Variants in DHCR24 observed in about 807,000 individuals in gnomAD.
DHCR24 encodes the protein delta(24)-sterol reductase.
DHCR24 carries 28 observed loss-of-function variants against 61.2 expected under a neutral mutation model. The observed-to-expected ratio is 0.46, with a 90% CI of 0.34 to 0.63. The LOEUF (loss-of-function observed/expected upper bound fraction) is 0.63. Among genes scored for constraint, DHCR24 ranks in the 20% least tolerant of loss-of-function variants. The pLI, the probability that DHCR24 is intolerant of heterozygous loss-of-function variation, is 0.01. For synonymous variants in DHCR24, 261 were observed against 275.9 expected (o/e 0.95, Z 0.54); for missense variants, 538 against 679.1 (o/e 0.79, Z 2.31).
intron 2 of DHCR24, 130 bp from the exon 3 acceptor site, chr1:54,876,177 C>T (rs1368361667): frequency 1.1e-5 from 8 of 730,172 alleles, no homozygotes; most frequent in African/African-American, 7.0e-5. Context: ...ATAGCCTTTA[C>T]AGGCTCTTTC....
At chr1:54,866,486 C>T (rs1034477763) in intron 5 of DHCR24, among the ~76,000 whole-genome samples, 1 of 152,132 alleles carries the variant, frequency 6.6e-6, no homozygotes, top group Non-Finnish European at 1.5e-5. Context: ...AAAATGGGAC[C>T]ATCTTACACG....
rs1319885940 is a variant in DHCR24 at position 54,852,331 on chromosome 1, A to C, written c.1453T>G (p.Phe485Val). 1 of 1,614,224 alleles carries C rather than the reference A, an allele frequency of 6.2e-7. No individual in the cohort carries two copies. Among genetic ancestry groups the C allele is most frequent in the Non-Finnish European group, 8.5e-7 (1 of 1,180,054 alleles). ...YMNREEFWEMFDGSLYHKLRE... is the reference protein window; with the variant it reads ...YMNREEFWEMVDGSLYHKLRE... ...AGCTTGTGGTACAAGGAGCCATCAA[A>C]CATCTCCCAGAACTCCTCCCGGTTC... The change falls in exon 9 of 9, where the codon TTT becomes GTT. Residue 485 changes from phenylalanine (F) to valine (V), a missense_variant. Physicochemically the swap from Phe to Val is conservative, Grantham distance 50. Coordinates refer to ENST00000371269, the MANE Select transcript of DHCR24 (RefSeq NM_014762.4).
chr1:54,866,388 G>A (rs1048426664), intron 5 of DHCR24, among the ~76,000 whole-genome samples: 12 of 148,068 alleles, frequency 8.1e-5, no homozygotes, highest in South Asian at 2.1e-4. Flanking sequence ...TCGCTCTGTC[G>A]CCCAGGCTGG....
intron 1 of DHCR24, among the ~76,000 whole-genome samples, chr1:54,884,170 AG>A (rs1320761197): frequency 6.6e-6 from 1 of 152,248 alleles, no homozygotes; most frequent in Non-Finnish European, 1.5e-5. Flanking sequence ...CAACAGTCCC[AG>A]GAAGTTACGA....
At position 54,883,839 on chromosome 1, in the gene DHCR24, C is replaced by T. The variant is rs559863561; in HGVS notation, c.232-66G>A. 5.3e-4 allele frequency: 843 copies of T among 1,605,500 alleles called. 7 individuals carry two copies. Among genetic ancestry groups the T allele is most frequent in the Middle Eastern group, 5.2e-3 (26 of 4,988 alleles). ...ATCCCCAGAGCAGCCTGCAGCCCTG[C>T]TTTCTTCAAGGGCGAGCTGGGAATG... is the stretch of plus-strand genomic sequence containing the variant. On this transcript the variant is annotated intron_variant, in intron 1 of 8. Coordinates refer to ENST00000371269, the MANE Select transcript of DHCR24 (RefSeq NM_014762.4). This position sits in a 1 kb window ranked among gnomAD's most constrained non-coding sequence, Gnocchi z 4.3.
rs184431399 is a variant in DHCR24, at chr1:54,874,034, A to G, written c.612+1059T>C. Among the ~76,000 whole-genome samples the G allele has an allele frequency of 1.7e-3, 263 of 152,374 alleles. No individual in the cohort carries two copies. In the South Asian group the frequency reaches 0.024, roughly 14 times the overall value. On this transcript the variant is annotated intron_variant, in intron 4 of 8. Coordinates refer to ENST00000371269, the MANE Select transcript of DHCR24 (RefSeq NM_014762.4). ...ACAAGCTTATAGAATAAGGATATAA[A>G]GAAGGAAACTATTTCTGTACACCTG...
In DHCR24 at chr1:54,852,218, C is replaced by T. The variant is rs771213432; in HGVS notation, c.*15G>A. ...GACCACTCACACGTGTCTGTCTCTC[C>T]AGGCGGGCTCCAGCTCAGTGCCTGG... is the stretch of plus-strand genomic sequence containing the variant. On this transcript the variant is annotated 3_prime_UTR_variant, in exon 9 of 9. Transcript: ENST00000371269. 8.1e-6 allele frequency: 13 copies of T among 1,614,036 alleles called. No individual in the cohort carries two copies. The highest frequency in any genetic ancestry group is 4.0e-5 in the African/African-American group (3 of 74,942).
rs1469983216 is a variant in DHCR24 at position 54,850,060 on chromosome 1, C to T, written c.*2173G>A. On this transcript the variant is annotated 3_prime_UTR_variant, in exon 9 of 9. Coordinates refer to ENST00000371269, the MANE Select transcript of DHCR24 (RefSeq NM_014762.4). Reference sequence around the variant, plus strand: ...AAAAAAAGCCATGAACTCAGCTCACCATGCTAAGAAGACTGCCTCTTTCCA... The same window carrying T: ...AAAAAAAGCCATGAACTCAGCTCACTATGCTAAGAAGACTGCCTCTTTCCA... The T allele has an allele frequency of 6.6e-6, 1 of 152,248 alleles. No individual in the cohort carries two copies. Among genetic ancestry groups the T allele is most frequent in the Non-Finnish European group, 1.5e-5 (1 of 68,038 alleles). The allele number at this position is 152,248 out of a possible 1,614,324, so 9.4% of individuals were successfully genotyped here. A position where few individuals can be genotyped will look rare whatever the true frequency, so the allele number is the denominator to read the frequency against.
intron 3 of DHCR24, among the ~76,000 whole-genome samples, chr1:54,875,450 GTGTACTCACACC>G (rs1413353106): frequency 3.3e-5 from 5 of 152,232 alleles, no homozygotes; most frequent in African/African-American, 9.6e-5. Context: ...ACCTTGTCAA[GTGTACTCACACC>G]TCACCTCTGG....
intron 6 of DHCR24, among the ~76,000 whole-genome samples, chr1:54,857,752 T>C (rs1646915273): frequency 1.3e-5 from 2 of 152,206 alleles, no homozygotes; most frequent in South Asian, 4.1e-4. Context: ...AAAAAAGCTT[T>C]ATATTTAGTA....
rs564860559 is a variant in DHCR24 at position 54,864,811 on chromosome 1, G to A, written c.1020+492C>T. Among the ~76,000 whole-genome samples the A allele has an allele frequency of 3.3e-4, 50 of 152,084 alleles. 1 individual carries two copies. The highest frequency in any genetic ancestry group is 1.6e-3 in the Admixed American group (25 of 15,272). On this transcript the variant is annotated intron_variant, in intron 6 of 8. Transcript: ENST00000371269. ...CCTGCTCACAAAGTCATCTCCTGAG[G>A]GGTTCTTCCTGACCTTCCCCCACTT...
chr1:54,852,131 G>A lies in DHCR24; in HGVS notation c.*102C>T, dbSNP rs114267476. 5.9e-3 allele frequency: 8,380 copies of A among 1,428,572 alleles called. 34 individuals carry two copies. The highest frequency in any genetic ancestry group is 0.013 in the Middle Eastern group (61 of 4,648). 88.5% of individuals were successfully genotyped at this position (1,428,572 alleles called of 1,614,324 possible). ...GCTGTCAGGGTGGGAGTTCTGGAGG[G>A]GTTTCTCTTTGAAAGTGTGGATCTA... On this transcript the variant is annotated 3_prime_UTR_variant, in exon 9 of 9. Coordinates refer to ENST00000371269, the MANE Select transcript of DHCR24 (RefSeq NM_014762.4).
At chr1:54,867,144 G>A (rs1289119942) in intron 5 of DHCR24, among the ~76,000 whole-genome samples, 1 of 152,176 alleles carries the variant, frequency 6.6e-6, no homozygotes, top group Admixed American at 6.5e-5. Flanking sequence ...GGCTGCATGA[G>A]CTCCAGTCCA....
intron 6 of DHCR24, among the ~76,000 whole-genome samples, chr1:54,861,432 T>C (rs770870803): frequency 2.6e-5 from 4 of 152,102 alleles, no homozygotes; most frequent in Non-Finnish European, 5.9e-5. Flanking sequence ...CCATTGCAAG[T>C]GTTTGCTCTC....
At chr1:54,879,352 A>AAAAAAAAAAAAAAAAAAAAG (rs573285056) in intron 2 of DHCR24, among the ~76,000 whole-genome samples, 4 of 128,162 alleles carry the variant, frequency 3.1e-5, no homozygotes, top group Admixed American at 8.4e-5. Context: ...AAAAAAAAAA[A>AAAAAAAAAAAAAAAAAAAAG]TCCAAATCAA....
chr1:54,868,136 A>C (rs1219039768), intron 5 of DHCR24, among the ~76,000 whole-genome samples: 2 of 152,208 alleles, frequency 1.3e-5, no homozygotes, highest in Non-Finnish European at 2.9e-5. Flanking sequence ...TAAGAGTCTT[A>C]AGGGATGCCT....
At position 54,852,458 on chromosome 1, in the gene DHCR24, G is replaced by A. The variant is rs138056224; in HGVS notation, c.1398-72C>T. The A allele has an allele frequency of 6.5e-6, 10 of 1,544,560 alleles. No homozygotes were observed. The South Asian group carries it at 1.1e-4, about 17-fold the overall frequency. ...CGCGAGGCGTGAGAGAAACCCAACT[G>A]CTCATTCTGCAGCCCAGAAAAGGCT... On this transcript the variant is annotated intron_variant, in intron 8 of 8. Transcript: ENST00000371269.
At position 54,850,394 on chromosome 1, in the gene DHCR24, T is replaced by C. The variant is rs1433009083; in HGVS notation, c.*1839A>G. ...GCCAGAATTCACATGCTTTGTAAAATATAGGATGAGGTTTATTTCTTTCTT... is the reference window on the plus strand; with the variant it reads ...GCCAGAATTCACATGCTTTGTAAAACATAGGATGAGGTTTATTTCTTTCTT... On this transcript the variant is annotated 3_prime_UTR_variant, in exon 9 of 9. Transcript: ENST00000371269. 1 of 152,234 alleles carries C rather than the reference T, an allele frequency of 6.6e-6. No individual in the cohort carries two copies. Among genetic ancestry groups the C allele is most frequent in the Admixed American group, 6.5e-5 (1 of 15,276 alleles). 9.4% of individuals were successfully genotyped at this position (152,234 alleles called of 1,614,324 possible). A position where few individuals can be genotyped will look rare whatever the true frequency, so the allele number is the denominator to read the frequency against.
chr1:54,853,624 A>G lies in DHCR24; in HGVS notation c.1219-12T>C, dbSNP rs1468510439. 6 of 1,611,506 alleles carry G rather than the reference A, an allele frequency of 3.7e-6. No individual in the cohort carries two copies. Among genetic ancestry groups the G allele is most frequent in the Non-Finnish European group, 5.1e-6 (6 of 1,179,102 alleles). The stretch of plus-strand genomic sequence containing the variant: ...CAGATGGGGTAGACCTGGGTAGACC[A>G]GGGAGGTGGGTATTGGTGCTTTTTC... On this transcript the variant is annotated splice_polypyrimidine_tract_variant and intron_variant, in intron 7 of 8. Transcript: ENST00000371269.
Sources: allele counts gnomAD v4.1 joint callset (sites outside exome capture counted in the v4.1 genomes callset), GRCh38; gene constraint gnomAD v4.1.1; non-coding constraint Gnocchi (gnomAD v3.1); transcripts MANE v1.5; gene names NCBI Gene and HGNC (gene_info 2026-07-23, HGNC 2026-07-21).